The following SRSF11 variants were observed in gnomAD, a reference collection of about 807,000 sequenced individuals.
SRSF11 encodes serine/arginine-rich splicing factor 11.
A neutral mutation model predicts 56.0 loss-of-function variants in SRSF11; 9 were observed. The ratio of observed to expected loss-of-function variants is 0.16; its 90% CI spans 0.10 to 0.28. The LOEUF (loss-of-function observed/expected upper bound fraction) is 0.28. Ranked by LOEUF, SRSF11 falls within the 10% of genes least tolerant of loss-of-function variation. SRSF11 has a pLI of 1.00. For synonymous variants in SRSF11, 222 were observed against 215.3 expected (o/e 1.03, Z -0.27); for missense variants, 421 against 600.7 (o/e 0.70, Z 3.13).
At chr1:70,209,762 TTTTTTTTTTTTTTTTTTG>T (rs1669386332) in intron 1 of SRSF11, among the ~76,000 whole-genome samples, 1 of 122,470 alleles carries the variant, frequency 8.2e-6, no homozygotes, top group African/African-American at 3.0e-5. Flanking sequence ...TTTTTTTTTT[TTTTTTTTTTTTTTTTTTG>T]TAGAGATGAA....
chr1:70,246,862 C>T lies in SRSF11; in HGVS notation c.977C>T (p.Pro326Leu), dbSNP rs1676885898. 6.2e-7 allele frequency: 1 copy of T among 1,609,852 alleles called. No individual in the cohort carries two copies. Among genetic ancestry groups the T allele is most frequent in the African/African-American group, 1.3e-5 (1 of 74,654 alleles). The change falls in exon 9 of 12, where the codon CCA becomes CTA. Residue 326 changes from proline to leucine, a missense_variant. Physicochemically the swap from Pro to Leu is moderately conservative, Grantham distance 98. This residue lies in a region of SRSF11 where 253 missense variants were observed against 305.8 expected (regional missense o/e 0.83). Coordinates refer to ENST00000370949, the MANE Select transcript of SRSF11 (RefSeq NM_001350605.2). ...EDKEKKRSKT[P>L]PKSYSTARRS... ...AAAGAAAAGAAACGTTCTAAAACAC[C>T]ACCAAAAAGTTACAGCACAGCCAGA...
chr1:70,245,993 A>G (rs949217503), intron 8 of SRSF11, among the ~76,000 whole-genome samples: 5 of 152,144 alleles, frequency 3.3e-5, no homozygotes, highest in Admixed American at 2.0e-4. Context: ...GAGGGAACCA[A>G]TGATAAAGAT....
At chr1:70,245,748 G>A (rs1015938003) in intron 8 of SRSF11, among the ~76,000 whole-genome samples, 5 of 152,260 alleles carry the variant, frequency 3.3e-5, no homozygotes, top group Middle Eastern at 3.4e-3. Flanking sequence ...TAGAAAATGA[G>A]GTCAGAAAAA....
chr1:70,240,275 A>C (rs1037898087), intron 7 of SRSF11, among the ~76,000 whole-genome samples: 1 of 152,222 alleles, frequency 6.6e-6, no homozygotes, highest in African/African-American at 2.4e-5. Context: ...TTACTGCTTC[A>C]TCAAAGACAT....
At chr1:70,246,179 A>G (rs1676706723) in intron 8 of SRSF11, among the ~76,000 whole-genome samples, 2 of 152,058 alleles carry the variant, frequency 1.3e-5, no homozygotes, top group South Asian at 4.1e-4. Flanking sequence ...TATATCGTTT[A>G]TCTACTCTTT....
intron 5 of SRSF11, among the ~76,000 whole-genome samples, chr1:70,236,626 G>A (rs1484875776): frequency 6.6e-6 from 1 of 151,398 alleles, no homozygotes; most frequent in Non-Finnish European, 1.5e-5. Flanking sequence ...CACCATGCCC[G>A]GCCTACAATT....
At chr1:70,233,414 A>G (rs1673269469) in intron 3 of SRSF11, among the ~76,000 whole-genome samples, 1 of 151,804 alleles carries the variant, frequency 6.6e-6, no homozygotes, top group African/African-American at 2.4e-5. Context: ...TAATTTTTGT[A>G]TTTTTAGTAG....
At chr1:70,214,384 C>T (rs1190271811) in intron 1 of SRSF11, among the ~76,000 whole-genome samples, 3 of 152,146 alleles carry the variant, frequency 2.0e-5, no homozygotes, top group Non-Finnish European at 2.9e-5. Context: ...TTCTGATTTT[C>T]CAAGCAATAC....
Position 70,221,557 on chromosome 1 carries a change from C to T in SRSF11, c.-80C>T. Reference sequence around the variant, plus strand: ...CGGACACCCTCCTCTCTCCCGCAATCCGGTTCCTCTTCCCCCTCCTTCTCA... The same window carrying T: ...CGGACACCCTCCTCTCTCCCGCAATTCGGTTCCTCTTCCCCCTCCTTCTCA... On this transcript the variant is annotated 5_prime_UTR_variant, in exon 1 of 12. Transcript: ENST00000370949. The T allele has an allele frequency of 1.3e-6, 2 of 1,519,370 alleles. No homozygotes were observed. Among genetic ancestry groups the T allele is most frequent in the Non-Finnish European group, 1.8e-6 (2 of 1,130,028 alleles). 94.1% of individuals were successfully genotyped at this position (1,519,370 alleles called of 1,614,324 possible). A position where few individuals can be genotyped will look rare whatever the true frequency, so the allele number is the denominator to read the frequency against.
intron 1 of SRSF11, among the ~76,000 whole-genome samples, chr1:70,227,127 A>C (rs1671960482): frequency 6.6e-6 from 1 of 152,154 alleles, no homozygotes; most frequent in South Asian, 2.1e-4. Flanking sequence ...TTAGTGTTTG[A>C]GTTGTGATAA....
rs1200673537 is a variant in SRSF11, at chr1:70,213,375, T to C, written c.-26+7595T>C. 5.3e-5 allele frequency among the ~76,000 whole-genome samples: 8 copies of C among 152,350 alleles called. No homozygotes were observed. In the East Asian group the frequency reaches 9.6e-4, roughly 18 times the overall value. On this transcript the variant is annotated intron_variant, in intron 1 of 12. Transcript: ENST00000370950. Reference sequence around the variant, plus strand: ...GTTTGAATATTTAGCATTAAACTTATTGCTTTATAATTTTTAACATTCCAC... The same window carrying C: ...GTTTGAATATTTAGCATTAAACTTACTGCTTTATAATTTTTAACATTCCAC...
chr1:70,207,724 CTTT>C (rs202160955), intron 1 of SRSF11, among the ~76,000 whole-genome samples: 12 of 136,474 alleles, frequency 8.8e-5, no homozygotes, highest in Non-Finnish European at 9.5e-5. Flanking sequence ...TTCTTTCGTT[CTTT>C]TTTTTTTTTT....
At chr1:70,214,710 C>G (rs1391161826) in intron 1 of SRSF11, among the ~76,000 whole-genome samples, 1 of 152,054 alleles carries the variant, frequency 6.6e-6, no homozygotes, top group Non-Finnish European at 1.5e-5. Context: ...AGTCAGTCCC[C>G]TAGTGCTAAC....
At chr1:70,218,892 A>C (rs1028712395), upstream of SRSF11, 1 of 152,230 alleles carries the variant, frequency 6.6e-6, no homozygotes, top group Non-Finnish European at 1.5e-5. Context: ...AACCCCCATC[A>C]AAAATATTCA....
At chr1:70,246,572 A>G (rs1358911995) in intron 8 of SRSF11, among the ~76,000 whole-genome samples, 1 of 152,112 alleles carries the variant, frequency 6.6e-6, no homozygotes, top group Non-Finnish European at 1.5e-5. Flanking sequence ...CATCCTAGTT[A>G]TTTTCTCACC....
chr1:70,249,309 A>G (rs1677457534), intron 9 of SRSF11: 1 of 152,284 alleles, frequency 6.6e-6, no homozygotes, highest in African/African-American at 2.4e-5. Context: ...TACTCTGAAC[A>G]CTGAATGTTT....
chr1:70,240,015 A>C lies in SRSF11; in HGVS notation c.800+495A>C, dbSNP rs1674971740. Reference sequence around the variant, plus strand: ...AATAGACTTCATTTATTTTTCAAAAAATTGTCTGCCAAATACCCAAGTCTA... The same window carrying C: ...AATAGACTTCATTTATTTTTCAAAACATTGTCTGCCAAATACCCAAGTCTA... On this transcript the variant is annotated intron_variant, in intron 7 of 11. Transcript: ENST00000370949. Among the ~76,000 whole-genome samples the C allele has an allele frequency of 2.0e-5, 3 of 152,216 alleles. No homozygotes were observed. In the South Asian group the frequency reaches 6.2e-4, roughly 32 times the overall value.
At chr1:70,240,028 A>G (rs1264457224) in intron 7 of SRSF11, among the ~76,000 whole-genome samples, 1 of 152,232 alleles carries the variant, frequency 6.6e-6, no homozygotes, top group Non-Finnish European at 1.5e-5. Context: ...TGTCTGCCAA[A>G]TACCCAAGTC....
intron 1 of SRSF11, among the ~76,000 whole-genome samples, chr1:70,224,276 C>T (rs547933937): frequency 2.6e-5 from 4 of 152,268 alleles, no homozygotes; most frequent in Non-Finnish European, 5.9e-5. Context: ...CCCAAGAAGG[C>T]AGTGACATGC....
Sources: gnomAD v4.1 joint callset for allele counts (sites outside exome capture counted in the v4.1 genomes callset) on GRCh38, gnomAD v4.1.1 for gene constraint, gnomAD v4.1.1 regional missense constraint, MANE v1.5 for transcripts, NCBI Gene and HGNC (gene_info 2026-07-23, HGNC 2026-07-21) for gene names.